Variants in SLC16A7 observed in about 807,000 individuals in gnomAD.
SLC16A7 encodes solute carrier family 16 member 7.
Under a neutral mutation model 34.9 loss-of-function variants are expected in SLC16A7, and 33 were observed. That is an observed-to-expected ratio of 0.94 (90% confidence interval 0.72 to 1.26). The LOEUF (loss-of-function observed/expected upper bound fraction) is 1.26, where lower values mean the gene tolerates loss of function less well. Among genes scored for constraint, SLC16A7 ranks in the 50% most tolerant of loss-of-function variants. The probability of loss-of-function intolerance (pLI) is 0.00; values close to 1 mark genes in which losing one functional copy is unlikely to be tolerated. For synonymous variants in SLC16A7, 201 were observed against 206.6 expected, an observed-to-expected ratio of 0.97 and a Z score of 0.23; for missense variants, 573 against 578.1, an observed-to-expected ratio of 0.99 and a Z score of 0.09.
At chr12:59,774,616 T>A (rs898734008) in intron 4 of SLC16A7, 41 bp from the exon 5 acceptor site, 1 of 1,269,944 alleles carries the variant, frequency 7.9e-7, no homozygotes. Flanking sequence ...AGTGCCATAA[T>A]GTGTTTGTGT....
At chr12:59,603,889 G>C (rs1878807927) in intron 1 of SLC16A7, among the ~76,000 whole-genome samples, 1 of 152,182 alleles carries the variant, frequency 6.6e-6, no homozygotes, top group African/African-American at 2.4e-5. Flanking sequence ...TTCTTTTAAA[G>C]GCAGTTCTAC....
chr12:59,670,360 A>G (rs1763166227), intron 2 of SLC16A7, among the ~76,000 whole-genome samples: 1 of 152,160 alleles, frequency 6.6e-6, no homozygotes, highest in South Asian at 2.1e-4. Context: ...TACAGCTTCA[A>G]GGGATCTTTT....
At chr12:59,728,631 G>T (rs1250248786) in intron 3 of SLC16A7, among the ~76,000 whole-genome samples, 2 of 152,168 alleles carry the variant, frequency 1.3e-5, no homozygotes, top group Non-Finnish European at 2.9e-5. Context: ...AGGCTGAAGT[G>T]GGAGGATCAC....
chr12:59,759,301 A>T (rs891780256), intron 3 of SLC16A7, among the ~76,000 whole-genome samples: 4 of 151,948 alleles, frequency 2.6e-5, no homozygotes, highest in Non-Finnish European at 4.4e-5. Flanking sequence ...TCTGTTCTTT[A>T]TATACCATTG....
chr12:59,675,202 AT>A (rs1268916472), intron 2 of SLC16A7, among the ~76,000 whole-genome samples: 1 of 152,188 alleles, frequency 6.6e-6, no homozygotes, highest in African/African-American at 2.4e-5. Flanking sequence ...ATATTTTCAT[AT>A]TTCTTATTGT....
At chr12:59,666,445 G>C (rs538695607) in intron 2 of SLC16A7, among the ~76,000 whole-genome samples, 1 of 152,124 alleles carries the variant, frequency 6.6e-6, no homozygotes, top group African/African-American at 2.4e-5. Flanking sequence ...TTAGAGAAGA[G>C]AGTAATATGG....
Position 59,788,294 on chromosome 12 carries a change from G to A in SLC16A7, c.*8615G>A, listed in dbSNP as rs892900596. The A allele has an allele frequency of 1.3e-5, 2 of 151,982 alleles. No homozygotes were observed. Among genetic ancestry groups the A allele is most frequent in the African/African-American group, 2.4e-5 (1 of 41,410 alleles). The allele number at this position is 151,982 out of a possible 1,614,324, so 9.4% of individuals were successfully genotyped here. ...AGAATTTTTTAAGGGATTAGATTTA[G>A]GGGTTAATGTTTAGAATTATTTTTA... On this transcript the variant is annotated 3_prime_UTR_variant, in exon 6 of 6. Transcript: ENST00000547379.
intron 3 of SLC16A7, among the ~76,000 whole-genome samples, chr12:59,710,405 A>G (rs1874085571): frequency 1.3e-5 from 2 of 152,334 alleles, no homozygotes; most frequent in South Asian, 4.1e-4. Flanking sequence ...GCTTTCTATG[A>G]TGAAATCTGT....
chr12:59,733,916 C>A, intron 3 of SLC16A7: 1 of 438,190 alleles, frequency 2.3e-6, no homozygotes, highest in South Asian at 1.6e-5. Flanking sequence ...GCTGGTAATC[C>A]TGACGTCTGT....
intron 2 of SLC16A7, among the ~76,000 whole-genome samples, chr12:59,677,364 A>G (rs530207132): frequency 2.0e-4 from 31 of 152,336 alleles, no homozygotes; most frequent in Admixed American, 1.2e-3. Flanking sequence ...GCAAATGTTT[A>G]TTAACAAAGC....
intron 1 of SLC16A7, among the ~76,000 whole-genome samples, chr12:59,628,672 G>A (rs1207010602): frequency 6.6e-6 from 1 of 151,802 alleles, no homozygotes. Context: ...GTGTGTGCAT[G>A]TGCGTGTGTG....
chr12:59,775,299 A>T lies in SLC16A7; in HGVS notation c.1004A>T (p.Gln335Leu). 6.2e-7 allele frequency: 1 copy of T among 1,614,180 alleles called. No individual in the cohort carries two copies. The highest frequency in any genetic ancestry group is 8.5e-7 in the Non-Finnish European group (1 of 1,180,012). The change falls in exon 5 of 6, where the codon CAG becomes CTG. Residue 335 changes from glutamine to leucine, a missense_variant. Physicochemically the swap from Gln to Leu is moderately radical, Grantham distance 113 (BLOSUM62 -2). Transcript: ENST00000547379. The part of the protein sequence containing the change: ...GVCHLLCPLA[Q>L]DYTSLVLYAV... ...TGTCACCTCTTGTGCCCACTGGCACAGGACTACACAAGCCTGGTATTATAT... is the reference window on the plus strand; with the variant it reads ...TGTCACCTCTTGTGCCCACTGGCACTGGACTACACAAGCCTGGTATTATAT...
At chr12:59,686,072 T>C (rs1237494558) in intron 2 of SLC16A7, among the ~76,000 whole-genome samples, 2 of 149,922 alleles carry the variant, frequency 1.3e-5, no homozygotes, top group African/African-American at 4.9e-5. Flanking sequence ...TTTCTTCAAG[T>C]GATTCTTTCA....
intron 3 of SLC16A7, among the ~76,000 whole-genome samples, chr12:59,706,877 A>T (rs1296828206): frequency 6.6e-6 from 1 of 151,832 alleles, no homozygotes; most frequent in Non-Finnish European, 1.5e-5. Flanking sequence ...TTGAGCAGAT[A>T]GTTGACTAAC....
chr12:59,703,839 T>C (rs1237052425), intron 2 of SLC16A7, among the ~76,000 whole-genome samples: 2 of 152,190 alleles, frequency 1.3e-5, no homozygotes, highest in African/African-American at 4.8e-5. Flanking sequence ...TTGACCGTAG[T>C]AATCATTTTG....
chr12:59,749,627 T>C (rs1879281219), intron 3 of SLC16A7, among the ~76,000 whole-genome samples: 1 of 152,220 alleles, frequency 6.6e-6, no homozygotes, highest in East Asian at 1.9e-4. Context: ...TCATGGATGT[T>C]TGGAAGAATT....
chr12:59,602,126 A>T (rs986616312), intron 1 of SLC16A7, among the ~76,000 whole-genome samples: 14 of 152,248 alleles, frequency 9.2e-5, no homozygotes, highest in Admixed American at 6.5e-4. Context: ...ATTTGGGATC[A>T]GAGTACTTTC....
Position 59,663,685 on chromosome 12 carries a change from G to A in SLC16A7, c.-31+8435G>A, listed in dbSNP as rs114011613. 6.6e-3 allele frequency among the ~76,000 whole-genome samples: 1,002 copies of A among 152,076 alleles called. 18 individuals carry two copies. The highest frequency in any genetic ancestry group is 0.024 in the African/African-American group (979 of 41,532). On this transcript the variant is annotated intron_variant, in intron 2 of 5. Coordinates refer to ENST00000547379, the MANE Select transcript of SLC16A7 (RefSeq NM_001270623.2). Reference sequence around the variant, plus strand: ...TCACTGTATTAAAACCTCAGTTTATGTCTGATTTTGTACTAGGTAAAATTT... The same window carrying A: ...TCACTGTATTAAAACCTCAGTTTATATCTGATTTTGTACTAGGTAAAATTT...
chr12:59,703,129 A>G (rs1873088868), intron 2 of SLC16A7, among the ~76,000 whole-genome samples: 1 of 152,128 alleles, frequency 6.6e-6, no homozygotes, highest in South Asian at 2.1e-4. Flanking sequence ...TACTTTGAGT[A>G]TCATGCATTA....
Sources: allele counts gnomAD v4.1 joint callset (sites outside exome capture counted in the v4.1 genomes callset), GRCh38; gene constraint gnomAD v4.1.1; transcripts MANE v1.5; gene names NCBI Gene and HGNC (gene_info 2026-07-23, HGNC 2026-07-21).